The following SAG variants were observed in gnomAD, a reference collection of about 807,000 sequenced individuals.
SAG encodes S-antigen visual arrestin.
A neutral mutation model predicts 55.0 loss-of-function variants in SAG; 45 were observed. That is an observed-to-expected ratio of 0.82 (90% confidence interval 0.64 to 1.05). The LOEUF (loss-of-function observed/expected upper bound fraction) is 1.05. Among genes scored for constraint, SAG ranks in the 50% least tolerant of loss-of-function variants. The probability of loss-of-function intolerance (pLI) is 0.00; values close to 1 mark genes in which losing one functional copy is unlikely to be tolerated. For missense variants in SAG, 455 were observed against 512.1 expected (o/e 0.89, Z 1.08); for synonymous variants, 189 against 197.4 (o/e 0.96, Z 0.36).
At chr2:233,328,367 C>T in intron 7 of SAG, 111 bp from the exon 8 acceptor site, 1 of 1,355,422 alleles carries the variant, frequency 7.4e-7, no homozygotes. Context: ...CACCCTGTCT[C>T]CATGGGGAGC....
At chr2:233,331,850 G>C (rs545378432) in intron 10 of SAG, 138 bp downstream of exon 10, 12 of 698,920 alleles carry the variant, frequency 1.7e-5, no homozygotes, top group African/African-American at 1.6e-4. Context: ...TTCTCCCTTC[G>C]AGGGCTGCAC....
At chr2:233,343,755 G>C in intron 14 of SAG, 1 of 1,098,262 alleles carries the variant, frequency 9.1e-7, no homozygotes, top group Non-Finnish European at 1.1e-6. Flanking sequence ...CTCTCCGTAG[G>C]TATAGGAATA....
intron 2 of SAG, among the ~76,000 whole-genome samples, chr2:233,313,202 G>A (rs1012735901): frequency 7.9e-5 from 12 of 152,180 alleles, no homozygotes; most frequent in African/African-American, 2.9e-4. Context: ...GGGACCGTGA[G>A]GTGTCCCCTG....
intron 2 of SAG, among the ~76,000 whole-genome samples, chr2:233,312,928 C>T (rs1700116681): frequency 6.6e-6 from 1 of 152,242 alleles, no homozygotes; most frequent in African/African-American, 2.4e-5. Context: ...GCTGGGCTCC[C>T]AACCAAAGAG....
chr2:233,320,024 G>T (rs936461178), intron 4 of SAG: 1 of 975,124 alleles, frequency 1.0e-6, no homozygotes, highest in African/African-American at 1.8e-5. Flanking sequence ...CACACTTCAG[G>T]TCTGTTCAAC....
rs1701257557 is a variant in SAG at position 233,346,538 on chromosome 2, C to CGCTACTTCCCGTCTGCTCCCTAGT, written c.1112+130_1112+153dup. ...CTCCTGCCGGCTCAGGAGGCACATCCGCTACTTCCCGTCTGCTCCCTAGTG... is the reference window on the plus strand; with the variant it reads ...CTCCTGCCGGCTCAGGAGGCACATCCGCTACTTCCCGTCTGCTCCCTAGTGCTACTTCCCGTCTGCTCCCTAGTG... On this transcript the variant is annotated intron_variant, in intron 15 of 15. Transcript: ENST00000409110. The CGCTACTTCCCGTCTGCTCCCTAGT allele has an allele frequency of 6.8e-6, 7 of 1,026,194 alleles. No homozygotes were observed. The East Asian group carries it at 1.7e-4, about 24-fold the overall frequency. 63.6% of individuals were successfully genotyped at this position (1,026,194 alleles called of 1,614,324 possible). A position where few individuals can be genotyped will look rare whatever the true frequency, so the allele number is the denominator to read the frequency against.
At chr2:233,310,185 G>A (rs926176699) in intron 2 of SAG, among the ~76,000 whole-genome samples, 6 of 152,322 alleles carry the variant, frequency 3.9e-5, no homozygotes, top group Admixed American at 6.5e-5. Context: ...AGCTCCACTC[G>A]AAAGCTTCTT....
chr2:233,330,872 A>G (rs1422702558), intron 9 of SAG, among the ~76,000 whole-genome samples: 4 of 152,152 alleles, frequency 2.6e-5, no homozygotes, highest in South Asian at 2.1e-4. Context: ...ATTGCTTTCT[A>G]TAGGCTGGGC....
At chr2:233,312,182 A>G (rs1271035512) in intron 2 of SAG, among the ~76,000 whole-genome samples, 1 of 152,002 alleles carries the variant, frequency 6.6e-6, no homozygotes, top group East Asian at 1.9e-4. Context: ...ACCACCAACT[A>G]CCCTCGACCC....
rs570927665 is a variant in SAG, at chr2:233,319,232, G to A, written c.181+437G>A. ...GAGTCAGTGGCGAGGGGCAGTTACC[G>A]TTGGGGCTGACAGGCAAAATTCTCA... On this transcript the variant is annotated intron_variant, in intron 4 of 15. Coordinates refer to ENST00000409110, the MANE Select transcript of SAG (RefSeq NM_000541.5). The surrounding 1 kb of genome is among the most constrained non-coding windows in gnomAD (Gnocchi z 4.4). Among the ~76,000 whole-genome samples, 5 of 151,834 alleles carry A rather than the reference G, an allele frequency of 3.3e-5. No homozygotes were observed. The highest frequency in any genetic ancestry group is 1.9e-4 in the East Asian group (1 of 5,132).
chr2:233,320,664 C>A lies in SAG; in HGVS notation c.216C>A (p.Gly72=). 1 of 1,606,174 alleles carries A rather than the reference C, an allele frequency of 6.2e-7. No homozygotes were observed. The highest frequency in any genetic ancestry group is 8.5e-7 in the Non-Finnish European group (1 of 1,176,396). The change falls in exon 5 of 16, where the codon GGC becomes GGA. Residue 72 remains glycine (G), a synonymous_variant. Transcript: ENST00000409110. The stretch of plus-strand genomic sequence containing the variant: ...CTCTGACCTGCGCCTTCCGCTATGG[C>A]CAAGAGGACATTGACGTGATCGGCT... ...YVTLTCAFRY[G]QEDIDVIGLT...
intron 6 of SAG, 93 bp downstream of exon 6, chr2:233,323,098 A>T: frequency 1.2e-6 from 1 of 820,180 alleles, no homozygotes; most frequent in Non-Finnish European, 2.0e-6. Context: ...TTACTCTGTC[A>T]CCAATGCTGG....
chr2:233,338,903 GT>G lies in SAG; in HGVS notation c.1022+153del, dbSNP rs1701017778. The stretch of plus-strand genomic sequence containing the variant: ...CCAAGTAGAGCTTGGGAGAGATTCT[GT>G]TTGTCTAGTACCATGCTTCTGTCTG... On this transcript the variant is annotated intron_variant, in intron 12 of 15. Coordinates refer to ENST00000409110, the MANE Select transcript of SAG (RefSeq NM_000541.5). 1.6e-5 allele frequency: 12 copies of G among 733,652 alleles called. No homozygotes were observed. The South Asian group carries it at 1.8e-4, about 11-fold the overall frequency. 45.4% of individuals were successfully genotyped at this position (733,652 alleles called of 1,614,324 possible). A position where few individuals can be genotyped will look rare whatever the true frequency, so the allele number is the denominator to read the frequency against.
chr2:233,328,630 G>A lies in SAG; in HGVS notation c.648+17G>A, dbSNP rs752095123. The A allele has an allele frequency of 2.5e-6, 4 of 1,597,276 alleles. No homozygotes were observed. Among genetic ancestry groups the A allele is most frequent in the Non-Finnish European group, 3.4e-6 (4 of 1,168,636 alleles). ...AACAAAGAGGTAACCACCTACCATC[G>A]CTACTACCCGCAGGGCAGCAGGCCT... On this transcript the variant is annotated intron_variant, in intron 8 of 15. Transcript: ENST00000409110.
At position 233,319,290 on chromosome 2, in the gene SAG, T is replaced by TGG. The variant is rs11420354; in HGVS notation, c.181+499_181+500dup. On this transcript the variant is annotated intron_variant, in intron 4 of 15. Coordinates refer to ENST00000409110, the MANE Select transcript of SAG (RefSeq NM_000541.5). The surrounding 1 kb of genome is among the most constrained non-coding windows in gnomAD (Gnocchi z 4.4). ...CCAAAAAGGGGGAAATGATGCCTGC[T>TGG]GGGGGCAGGGGGAGTAAGACCCAGA... Among the ~76,000 whole-genome samples, 1 of 151,676 alleles carries TGG rather than the reference T, an allele frequency of 6.6e-6. No homozygotes were observed.
chr2:233,340,402 G>C lies in SAG; in HGVS notation c.1023-53G>C. 1 of 1,557,476 alleles carries C rather than the reference G, an allele frequency of 6.4e-7. No homozygotes were observed. Among genetic ancestry groups the C allele is most frequent in the Non-Finnish European group, 8.8e-7 (1 of 1,134,222 alleles). On this transcript the variant is annotated intron_variant, in intron 12 of 15. Coordinates refer to ENST00000409110, the MANE Select transcript of SAG (RefSeq NM_000541.5). This position sits in a 1 kb window ranked among gnomAD's most constrained non-coding sequence, Gnocchi z 4.2. ...GTCCTGCCTCTGAATCATGGGAAAG[G>C]GTCGTGTTACCACTGTGACAGTTAA...
At chr2:233,331,913 A>G (rs1039362353) in intron 10 of SAG, 9 of 592,138 alleles carry the variant, frequency 1.5e-5, no homozygotes, top group Non-Finnish European at 2.7e-5. Context: ...TGCCCATCTT[A>G]CAGGAGTTCT....
At chr2:233,342,378 T>C in intron 14 of SAG, 52 bp downstream of exon 14, 1 of 1,379,310 alleles carries the variant, frequency 7.3e-7, no homozygotes, top group South Asian at 1.2e-5. Context: ...CTTGCAGATT[T>C]ATTGTTGATG....
At chr2:233,313,755 C>G (rs1700140238) in intron 2 of SAG, among the ~76,000 whole-genome samples, 1 of 127,522 alleles carries the variant, frequency 7.8e-6, no homozygotes, top group Non-Finnish European at 1.6e-5. Context: ...TGGCAGGGGA[C>G]AGAGGAGGGG....
Sources: gnomAD v4.1 joint callset for allele counts (sites outside exome capture counted in the v4.1 genomes callset) on GRCh38, gnomAD v4.1.1 for gene constraint, Gnocchi (gnomAD v3.1) non-coding constraint, MANE v1.5 for transcripts, NCBI Gene and HGNC (gene_info 2026-07-23, HGNC 2026-07-21) for gene names.